Variants in TCEANC2 observed in about 807,000 individuals in gnomAD.
The protein encoded by TCEANC2 is transcription elongation factor A N-terminal and central domain-containing protein 2.
A neutral mutation model predicts 22.8 loss-of-function variants in TCEANC2; 20 were observed. The observed-to-expected ratio is 0.88, with a 90% CI of 0.62 to 1.28. The LOEUF (loss-of-function observed/expected upper bound fraction) is 1.28, where lower values mean the gene tolerates loss of function less well. Ranked by LOEUF, TCEANC2 falls within the 50% of genes most tolerant of loss-of-function variation. The probability of loss-of-function intolerance (pLI) is 0.00; values close to 1 mark genes in which losing one functional copy is unlikely to be tolerated. For synonymous variants in TCEANC2, 84 were observed against 95.5 expected (o/e 0.88, Z 0.70); for missense variants, 251 against 249.7 (o/e 1.01, Z -0.03).
At chr1:54,094,258 T>C (rs1570024341) in intron 4 of TCEANC2, among the ~76,000 whole-genome samples, 1 of 152,218 alleles carries the variant, frequency 6.6e-6, no homozygotes, top group African/African-American at 2.4e-5. Flanking sequence ...TTGGTCCTTA[T>C]ATCTGACAAG....
At chr1:54,056,088 T>A (rs1022785401) in intron 2 of TCEANC2, among the ~76,000 whole-genome samples, 4 of 152,216 alleles carry the variant, frequency 2.6e-5, no homozygotes, top group African/African-American at 9.6e-5. Context: ...CTAGATGATC[T>A]TTAAAGTCTG....
intron 2 of TCEANC2, among the ~76,000 whole-genome samples, chr1:54,057,444 GC>G (rs1214272571): frequency 6.8e-6 from 1 of 147,336 alleles, no homozygotes; most frequent in East Asian, 2.0e-4. Flanking sequence ...GCCCTCCTTG[GC>G]CTCCTGAAGT....
chr1:54,092,837 A>G (rs1557694318), intron 4 of TCEANC2, among the ~76,000 whole-genome samples: 1 of 152,138 alleles, frequency 6.6e-6, no homozygotes. Flanking sequence ...GTCATGTTTT[A>G]TATCTTCCTC....
chr1:54,059,432 G>A (rs548601099), intron 2 of TCEANC2, among the ~76,000 whole-genome samples: 4 of 152,318 alleles, frequency 2.6e-5, no homozygotes, highest in South Asian at 4.1e-4. Context: ...GATTACAGGC[G>A]TAAGCCACCA....
At chr1:54,093,765 A>G (rs1168237798) in intron 4 of TCEANC2, among the ~76,000 whole-genome samples, 1 of 146,934 alleles carries the variant, frequency 6.8e-6, no homozygotes, top group African/African-American at 2.5e-5. Flanking sequence ...AGGTACTATA[A>G]TTTGCTGGAG....
rs1658682003 is a variant in TCEANC2, at chr1:54,102,666, C to T, written c.*6193C>T. ...TCATCCACTACCTTTGCACCAGTACCTGCCTGTTCCTCATTTCACACCTTT... is the reference window on the plus strand; with the variant it reads ...TCATCCACTACCTTTGCACCAGTACTTGCCTGTTCCTCATTTCACACCTTT... On this transcript the variant is annotated 3_prime_UTR_variant, in exon 5 of 5. Transcript: ENST00000234827. 6.6e-6 allele frequency: 1 copy of T among 152,280 alleles called. No homozygotes were observed. Among genetic ancestry groups the T allele is most frequent in the Non-Finnish European group, 1.5e-5 (1 of 68,098 alleles). The allele number at this position is 152,280 out of a possible 1,614,324, so 9.4% of individuals were successfully genotyped here. A position where few individuals can be genotyped will look rare whatever the true frequency, so the allele number is the denominator to read the frequency against.
At chr1:54,059,970 AG>A (rs1480844732) in intron 2 of TCEANC2, among the ~76,000 whole-genome samples, 1 of 152,212 alleles carries the variant, frequency 6.6e-6, no homozygotes, top group Non-Finnish European at 1.5e-5. Context: ...AATTATAAGA[AG>A]TTAATAAATA....
intron 3 of TCEANC2, among the ~76,000 whole-genome samples, chr1:54,077,034 G>T (rs760746209): frequency 1.3e-5 from 2 of 152,106 alleles, no homozygotes; most frequent in Non-Finnish European, 2.9e-5. Context: ...ATGAGGTATG[G>T]CTGTAAACAT....
At chr1:54,085,075 C>T (rs1658314937) in intron 3 of TCEANC2, among the ~76,000 whole-genome samples, 1 of 152,194 alleles carries the variant, frequency 6.6e-6, no homozygotes. Context: ...TGATGTACTC[C>T]TTTCCCAGGT....
intron 2 of TCEANC2, among the ~76,000 whole-genome samples, chr1:54,060,252 A>C (rs1438203196): frequency 6.6e-6 from 1 of 152,140 alleles, no homozygotes; most frequent in Non-Finnish European, 1.5e-5. Flanking sequence ...CTAAAAATAA[A>C]AAATTAGCTG....
At chr1:54,064,763 G>A (rs1277135396) in intron 2 of TCEANC2, among the ~76,000 whole-genome samples, 2 of 144,284 alleles carry the variant, frequency 1.4e-5, no homozygotes, top group South Asian at 2.2e-4. Context: ...GCAGTGGTGC[G>A]ATCTCGGCTC....
intron 4 of TCEANC2, among the ~76,000 whole-genome samples, chr1:54,095,686 G>GTATGGTGAAAGGGAAGAAACATGA: frequency 1.3e-5 from 2 of 152,182 alleles, no homozygotes; most frequent in African/African-American, 4.8e-5. Flanking sequence ...GGGGCCATTA[G>GTATGGTGAAAGGGAAGAAACATGA]TATGGTGAAA....
chr1:54,111,585 C>T (rs2100401742), exon 5 of TCEANC2: 1 of 152,318 alleles, frequency 6.6e-6, no homozygotes, highest in East Asian at 1.9e-4. Flanking sequence ...CCCCGTTGCT[C>T]CCGGGTGAGG....
chr1:54,069,297 ATT>A (rs1468429608), intron 3 of TCEANC2, among the ~76,000 whole-genome samples: 22 of 152,130 alleles, frequency 1.4e-4, no homozygotes, highest in Admixed American at 3.3e-4. Flanking sequence ...ATAAGACATG[ATT>A]TGTGACCTCA....
At chr1:54,084,115 C>T (rs1323388219) in intron 3 of TCEANC2, among the ~76,000 whole-genome samples, 1 of 151,738 alleles carries the variant, frequency 6.6e-6, no homozygotes, top group East Asian at 1.9e-4. Flanking sequence ...AAGGTTCAAG[C>T]GATTCTCATG....
chr1:54,066,691 T>A (rs1354722318), intron 2 of TCEANC2, among the ~76,000 whole-genome samples: 1 of 152,244 alleles, frequency 6.6e-6, no homozygotes, highest in Non-Finnish European at 1.5e-5. Flanking sequence ...TGTTTCAGTT[T>A]GGATAAATCA....
intron 1 of TCEANC2, 165 bp from the exon 2 acceptor site, chr1:54,054,216 T>C: frequency 7.0e-7 from 1 of 1,435,102 alleles, no homozygotes; most frequent in Non-Finnish European, 9.2e-7. Context: ...GTTTCAATTC[T>C]TCGGAAGATC....
intron 3 of TCEANC2, among the ~76,000 whole-genome samples, chr1:54,074,724 T>C (rs945686155): frequency 7.9e-5 from 12 of 152,296 alleles, no homozygotes; most frequent in East Asian, 1.9e-4. Context: ...AAATTGCACA[T>C]TGGATTTTGC....
At chr1:54,059,509 C>T (rs1657811410) in intron 2 of TCEANC2, among the ~76,000 whole-genome samples, 1 of 152,224 alleles carries the variant, frequency 6.6e-6, no homozygotes, top group Non-Finnish European at 1.5e-5. Context: ...GTGCCTGACA[C>T]ATATTAAGTG....
Sources: gnomAD v4.1 joint callset for allele counts (sites outside exome capture counted in the v4.1 genomes callset) on GRCh38, gnomAD v4.1.1 for gene constraint, MANE v1.5 for transcripts, NCBI Gene and HGNC (gene_info 2026-07-23, HGNC 2026-07-21) for gene names.